Variants in ZNF207 observed in about 807,000 individuals in gnomAD.
ZNF207 encodes zinc finger protein 207.
Under a neutral mutation model 60.2 loss-of-function variants are expected in ZNF207, and 24 were observed. That is an observed-to-expected ratio of 0.40 (90% CI 0.29 to 0.56). The LOEUF (loss-of-function observed/expected upper bound fraction) is 0.56. ZNF207 is among the 20% of genes least tolerant of loss of function. The pLI, the probability that ZNF207 is intolerant of heterozygous loss-of-function variation, is 0.49. For missense variants in ZNF207, 452 were observed against 636.6 expected, an observed-to-expected ratio of 0.71 and a Z score of 3.12; for synonymous variants, 236 against 194.7, an observed-to-expected ratio of 1.21 and a Z score of -1.77.
At chr17:32,368,194 T>G (rs116039275) in intron 10 of ZNF207, 180 bp downstream of exon 10, 2 of 890,916 alleles carry the variant, frequency 2.2e-6, no homozygotes, top group Admixed American at 6.0e-5. Flanking sequence ...TGGACAGATA[T>G]TGCATGTTTT....
At chr17:32,350,456 G>A in intron 1 of ZNF207, 130 bp downstream of exon 1, 1 of 1,227,254 alleles carries the variant, frequency 8.1e-7, no homozygotes, top group Non-Finnish European at 1.2e-6. Flanking sequence ...TGGCCTGGTG[G>A]CTGGGATTGG....
chr17:32,364,501 A>G (rs1407953949), intron 7 of ZNF207, among the ~76,000 whole-genome samples: 1 of 151,840 alleles, frequency 6.6e-6, no homozygotes, highest in Non-Finnish European at 1.5e-5. Flanking sequence ...CTGGGATTAC[A>G]GGAGTGTGCC....
chr17:32,350,901 G>A (rs1282221976), intron 1 of ZNF207: 1 of 150,680 alleles, frequency 6.6e-6, no homozygotes, highest in Non-Finnish European at 1.5e-5. Flanking sequence ...TCACCCAGAG[G>A]CGCCTTAATC....
intron 2 of ZNF207, among the ~76,000 whole-genome samples, chr17:32,357,300 T>C (rs1904560316): frequency 6.7e-6 from 1 of 148,320 alleles, no homozygotes; most frequent in Admixed American, 6.7e-5. Flanking sequence ...ACTTAGAAAA[T>C]TTGCTATTCT....
At chr17:32,360,297 C>T (rs946523591) in intron 3 of ZNF207, among the ~76,000 whole-genome samples, 6 of 151,334 alleles carry the variant, frequency 4.0e-5, no homozygotes, top group Non-Finnish European at 7.4e-5. Flanking sequence ...GTGCAGTGAG[C>T]TGCAGTCGTG....
At chr17:32,362,836 C>T in intron 6 of ZNF207, 78 bp from the exon 7 acceptor site, 1 of 1,300,168 alleles carries the variant, frequency 7.7e-7, no homozygotes, top group South Asian at 1.3e-5. Flanking sequence ...AGTGTTGTTT[C>T]AGGCTTTAGC....
In ZNF207 at chr17:32,376,471, TAAATTAGTTTGAGA is replaced by T. The variant is rs1905678392; in HGVS notation, c.*6715_*6728del. 6.6e-6 allele frequency: 1 copy of T among 152,122 alleles called. No individual in the cohort carries two copies. Among genetic ancestry groups the T allele is most frequent in the Non-Finnish European group, 1.5e-5 (1 of 67,940 alleles). The allele number at this position is 152,122 out of a possible 1,614,324, so 9.4% of individuals were successfully genotyped here. A position where few individuals can be genotyped will look rare whatever the true frequency, so the allele number is the denominator to read the frequency against. On this transcript the variant is annotated 3_prime_UTR_variant, in exon 12 of 12. Transcript: ENST00000394670. Reference sequence around the variant, plus strand: ...ACTCTGGAAAATAATAGTTTGGAACTAAATTAGTTTGAGAAATCTGAATCATCTCTCTTTAAATC... The same window carrying T: ...ACTCTGGAAAATAATAGTTTGGAACTAATCTGAATCATCTCTCTTTAAATC...
chr17:32,370,938 A>T lies in ZNF207; in HGVS notation c.*1179A>T, dbSNP rs900159533. On this transcript the variant is annotated 3_prime_UTR_variant, in exon 12 of 12. Transcript: ENST00000394670. ...GCAATTTTTATTATGTTCCTGGAAG[A>T]TTACATTATTCATTTGAGTACCTTC... 6.6e-6 allele frequency: 1 copy of T among 152,198 alleles called. No homozygotes were observed. Among genetic ancestry groups the T allele is most frequent in the Admixed American group, 6.6e-5 (1 of 15,260 alleles). 9.4% of individuals were successfully genotyped at this position (152,198 alleles called of 1,614,324 possible). A position where few individuals can be genotyped will look rare whatever the true frequency, so the allele number is the denominator to read the frequency against.
chr17:32,368,479 ATCAC>A, intron 10 of ZNF207: 1 of 166,954 alleles, frequency 6.0e-6, no homozygotes, highest in Non-Finnish European at 1.3e-5. Context: ...AGACAGGCAG[ATCAC>A]TTGATCAGGA....
At position 32,366,727 on chromosome 17, in the gene ZNF207, T is replaced by C; in HGVS notation, c.891T>C (p.Ser297=). ...CCAATTCAGAAAGTCTGTCTGCATC[T>C]TCTAAAGCTCTGTTTCCTAGCACAG... is the stretch of plus-strand genomic sequence containing the variant. ...ASSNSESLSA[S]SKALFPSTAQ... The change falls in exon 9 of 12, where the codon TCT becomes TCC. Residue 297 remains serine (S), a synonymous_variant. Transcript: ENST00000394670. The C allele has an allele frequency of 6.2e-7, 1 of 1,611,268 alleles. No homozygotes were observed. Among genetic ancestry groups the C allele is most frequent in the South Asian group, 1.1e-5 (1 of 90,614 alleles).
chr17:32,367,659 A>C (rs1184558803), intron 9 of ZNF207, 113 bp from the exon 10 acceptor site: 27 of 1,359,016 alleles, frequency 2.0e-5, no homozygotes, highest in Non-Finnish European at 2.5e-5. Flanking sequence ...TATTAATTTC[A>C]TTTAAAGTTT....
chr17:32,360,896 A>G lies in ZNF207; in HGVS notation c.480A>G (p.Ile160Met). The G allele has an allele frequency of 6.2e-7, 1 of 1,614,046 alleles. No homozygotes were observed. ...VPGAPGMPPG[I>M]PPLMPGVPPL... The stretch of plus-strand genomic sequence containing the variant: ...GATTGAAATTCTTGCTTGTAGGCAT[A>G]CCTCCATTAATGCCAGGTGTTCCTC... The change falls in exon 5 of 12, where the codon ATA (isoleucine) becomes ATG (methionine). Residue 160 changes from isoleucine to methionine, a missense_variant. Physicochemically the swap from Ile to Met is conservative, Grantham distance 10. Transcript: ENST00000394670.
At position 32,357,345 on chromosome 17, in the gene ZNF207, A is replaced by AT. The variant is rs1232093255; in HGVS notation, c.169-1156dup. The stretch of plus-strand genomic sequence containing the variant: ...TATTATTATTATTATTATTATTATT[A>AT]TTATTATTTTTTTTTTTTTTTGAGA... On this transcript the variant is annotated intron_variant, in intron 2 of 11. Coordinates refer to ENST00000394670, the MANE Select transcript of ZNF207 (RefSeq NM_001098507.2). Among the ~76,000 whole-genome samples the AT allele has an allele frequency of 5.6e-3, 365 of 64,932 alleles. 7 individuals carry two copies. Among genetic ancestry groups the AT allele is most frequent in the Admixed American group, 0.02 (137 of 6,924 alleles). 42.6% of individuals were successfully genotyped at this position (64,932 alleles called of 152,430 possible). A position where few individuals can be genotyped will look rare whatever the true frequency, so the allele number is the denominator to read the frequency against.
At chr17:32,357,332 TATTATTATTATTATTATTA>T (rs1354576746) in intron 2 of ZNF207, among the ~76,000 whole-genome samples, 2 of 90,976 alleles carry the variant, frequency 2.2e-5, no homozygotes, top group East Asian at 2.2e-4. Flanking sequence ...TTATTATTAT[TATTATTATTATTATTATTA>T]TTTTTTTTTT....
chr17:32,352,778 C>T (rs954978436), intron 2 of ZNF207, among the ~76,000 whole-genome samples: 2 of 152,220 alleles, frequency 1.3e-5, no homozygotes, highest in Admixed American at 1.3e-4. Context: ...TCACTGCAGC[C>T]TCATATTCCT....
rs1253992424 is a variant in ZNF207 at position 32,378,852 on chromosome 17, C to G, written c.*9093C>G. On this transcript the variant is annotated 3_prime_UTR_variant, in exon 12 of 12. Coordinates refer to ENST00000394670, the MANE Select transcript of ZNF207 (RefSeq NM_001098507.2). ...CAAGTTAATTTCTAATTTTCGCAAGCCTGAACCATCCTAATCTGATAGTAG... is the reference window on the plus strand; with the variant it reads ...CAAGTTAATTTCTAATTTTCGCAAGGCTGAACCATCCTAATCTGATAGTAG... The G allele has an allele frequency of 6.6e-6, 1 of 152,004 alleles. No homozygotes were observed. The highest frequency in any genetic ancestry group is 1.5e-5 in the Non-Finnish European group (1 of 67,920). The allele number at this position is 152,004 out of a possible 1,614,324, so 9.4% of individuals were successfully genotyped here.
rs1904846768 is a variant in ZNF207 at position 32,360,940 on chromosome 17, CACCAGTT to C, written c.526_532del (p.Pro176CysfsTer23). ...GTTCCTCCTCTGATGCCAGGAATGC[CACCAGTT>C]ATGCCAGGCATGCCACCTGGGTAAG... On this transcript the variant is annotated frameshift_variant, in exon 5 of 12. Transcript: ENST00000394670. LOFTEE classifies it high-confidence loss of function. 6.2e-7 allele frequency: 1 copy of C among 1,613,568 alleles called. No individual in the cohort carries two copies.
intron 9 of ZNF207, 127 bp downstream of exon 9, chr17:32,366,884 C>T (rs1248518252): frequency 4.0e-6 from 3 of 749,390 alleles, no homozygotes; most frequent in Non-Finnish European, 5.9e-6. Context: ...AAAATTAATG[C>T]TATATAAGTC....
At chr17:32,369,220 T>A in intron 10 of ZNF207, 75 bp from the exon 11 acceptor site, 1 of 1,531,210 alleles carries the variant, frequency 6.5e-7, no homozygotes, top group Non-Finnish European at 8.9e-7. Context: ...CGTTGTAAGA[T>A]TTTAGATGCA....
Sources: gnomAD v4.1 joint callset for allele counts (sites outside exome capture counted in the v4.1 genomes callset) on GRCh38, gnomAD v4.1.1 for gene constraint, MANE v1.5 for transcripts, NCBI Gene and HGNC (gene_info 2026-07-23, HGNC 2026-07-21) for gene names.